Variants in FUT8 observed in about 807,000 individuals in gnomAD.
FUT8 encodes alpha-(1,6)-fucosyltransferase.
FUT8 carries 29 observed loss-of-function variants against 71.3 expected under a neutral mutation model. The observed-to-expected ratio is 0.41, with a 90% confidence interval of 0.30 to 0.55. FUT8 has a LOEUF of 0.55. Ranked by LOEUF, FUT8 falls within the 20% of genes least tolerant of loss-of-function variation. The pLI, the probability that FUT8 is intolerant of heterozygous loss-of-function variation, is 0.34. For synonymous variants in FUT8, 254 were observed against 239.3 expected (o/e 1.06, Z -0.57); for missense variants, 544 against 702.1 (o/e 0.77, Z 2.55).
intron 2 of FUT8, among the ~76,000 whole-genome samples, chr14:65,524,053 C>G (rs962304977): frequency 3.9e-5 from 6 of 152,180 alleles, no homozygotes. Flanking sequence ...CTTGGCAATG[C>G]GGGCTCTTTT....
At chr14:65,664,066 A>ACAT (rs1354090457) in intron 6 of FUT8, among the ~76,000 whole-genome samples, 2 of 152,126 alleles carry the variant, frequency 1.3e-5, no homozygotes, top group Admixed American at 1.3e-4. Flanking sequence ...GTAATTCAGT[A>ACAT]CATCTAAAAA....
chr14:65,532,725 T>G (rs1884038677), intron 2 of FUT8, among the ~76,000 whole-genome samples: 1 of 152,146 alleles, frequency 6.6e-6, no homozygotes, highest in South Asian at 2.1e-4. Flanking sequence ...GGTCCTATGT[T>G]CAGAATGGTA....
Position 65,513,024 on chromosome 14 carries a change from G to C in FUT8, c.-227-48313G>C, listed in dbSNP as rs79111657. The stretch of plus-strand genomic sequence containing the variant: ...CTAGGCTAGTGGGGAGCAGAATCAT[G>C]AGCTTAAATTAGTGGAATATGTGGA... On this transcript the variant is annotated intron_variant, in intron 2 of 10. Coordinates refer to ENST00000673929, the MANE Select transcript of FUT8 (RefSeq NM_001371533.1). 6.9e-3 allele frequency among the ~76,000 whole-genome samples: 1,046 copies of C among 152,122 alleles called. 10 individuals are homozygous for C. Among genetic ancestry groups the C allele is most frequent in the African/African-American group, 0.024 (994 of 41,488 alleles).
chr14:65,726,842 G>A (rs1326433967), intron 9 of FUT8, among the ~76,000 whole-genome samples: 2 of 152,154 alleles, frequency 1.3e-5, no homozygotes, highest in Non-Finnish European at 2.9e-5. Flanking sequence ...AAAATCAAAA[G>A]CAAGTTAGTT....
chr14:65,609,925 C>T (rs924215338), intron 3 of FUT8, among the ~76,000 whole-genome samples: 3 of 151,766 alleles, frequency 2.0e-5, no homozygotes, highest in Non-Finnish European at 4.4e-5. Flanking sequence ...ATAAGTCGTG[C>T]CCATCTTTTG....
At position 65,501,191 on chromosome 14, in the gene FUT8, A is replaced by G. The variant is rs192712315; in HGVS notation, c.-228+45473A>G. On this transcript the variant is annotated intron_variant, in intron 2 of 10. Coordinates refer to ENST00000673929, the MANE Select transcript of FUT8 (RefSeq NM_001371533.1). ...CCAGGAGTTTGAGACCAGCCTGGGT[A>G]ACATAGTAAGACCTGTCTCTACAGA... Among the ~76,000 whole-genome samples the G allele has an allele frequency of 2.9e-3, 440 of 152,362 alleles. 3 individuals carry two copies. Among genetic ancestry groups the G allele is most frequent in the African/African-American group, 0.01 (419 of 41,578 alleles).
chr14:65,583,115 A>G (rs1270620639), intron 3 of FUT8, among the ~76,000 whole-genome samples: 1 of 152,050 alleles, frequency 6.6e-6, no homozygotes, highest in Non-Finnish European at 1.5e-5. Flanking sequence ...GATTTTATTG[A>G]TCTGCCTTTT....
intron 7 of FUT8, among the ~76,000 whole-genome samples, chr14:65,679,640 A>G (rs1457862684): frequency 1.3e-5 from 2 of 152,230 alleles, no homozygotes; most frequent in Non-Finnish European, 2.9e-5. Context: ...AAACAGTGAC[A>G]TAGTATCTTT....
At chr14:65,487,218 A>G (rs1343130348) in intron 2 of FUT8, among the ~76,000 whole-genome samples, 2 of 152,086 alleles carry the variant, frequency 1.3e-5, no homozygotes, top group Non-Finnish European at 2.9e-5. Context: ...CTCTCAGAGG[A>G]GGGGAGAATT....
At chr14:65,739,645 G>T (rs1434496128) in intron 10 of FUT8, among the ~76,000 whole-genome samples, 1 of 151,936 alleles carries the variant, frequency 6.6e-6, no homozygotes, top group Admixed American at 6.6e-5. Flanking sequence ...CTGAAGAGTG[G>T]GTGAAGACAC....
At chr14:65,364,925 A>G in the FUT8 span, among the ~76,000 whole-genome samples, 1 of 152,054 alleles carries the variant, frequency 6.6e-6, no homozygotes, top group Non-Finnish European at 1.5e-5. Context: ...CGGGGCTTAC[A>G]CCTGAGGGCT....
chr14:65,511,779 G>T (rs1566793353), intron 2 of FUT8, among the ~76,000 whole-genome samples: 1 of 152,136 alleles, frequency 6.6e-6, no homozygotes, highest in South Asian at 2.1e-4. Context: ...CAATCTGTGT[G>T]TGTCTTTATA....
In FUT8 at chr14:65,489,345, G is replaced by A. The variant is rs1327238399; in HGVS notation, c.-228+33627G>A. Among the ~76,000 whole-genome samples, 1 of 152,202 alleles carries A rather than the reference G, an allele frequency of 6.6e-6. No individual in the cohort carries two copies. Among genetic ancestry groups the A allele is most frequent in the East Asian group, 1.9e-4 (1 of 5,186 alleles). ...CTAGCTTTCTCTAATTTTCTGGGAC[G>A]TATCTCTTTTAGTCTCCGTATATTA... On this transcript the variant is annotated intron_variant, in intron 2 of 10. Coordinates refer to ENST00000673929, the MANE Select transcript of FUT8 (RefSeq NM_001371533.1). The surrounding 1 kb of genome is among the most constrained non-coding windows in gnomAD (Gnocchi z 4.0).
chr14:65,717,874 T>C (rs1263403636), intron 7 of FUT8, among the ~76,000 whole-genome samples: 3 of 152,230 alleles, frequency 2.0e-5, no homozygotes, highest in African/African-American at 7.2e-5. Flanking sequence ...CTATTACAGG[T>C]ATAGCTACTC....
In FUT8 at chr14:65,464,160, G is replaced by A. The variant is rs563896890; in HGVS notation, c.-228+8442G>A. ...GCAGTTTTAGGTTTACAGAGAAATT[G>A]TAATTTCTTACAGAGAGTTCCCAAA... On this transcript the variant is annotated intron_variant, in intron 2 of 10. Transcript: ENST00000673929. Among the ~76,000 whole-genome samples, 220 of 151,256 alleles carry A rather than the reference G, an allele frequency of 1.5e-3. 1 individual carries two copies. Among genetic ancestry groups the A allele is most frequent in the African/African-American group, 5.2e-3 (215 of 41,228 alleles).
At chr14:65,599,094 C>T (rs1217861248) in intron 3 of FUT8, among the ~76,000 whole-genome samples, 1 of 152,140 alleles carries the variant, frequency 6.6e-6, no homozygotes, top group Non-Finnish European at 1.5e-5. Context: ...TGGCCCAGAA[C>T]ATTTTTTAAT....
At chr14:65,506,229 T>A (rs2066732161) in intron 2 of FUT8, among the ~76,000 whole-genome samples, 1 of 152,326 alleles carries the variant, frequency 6.6e-6, no homozygotes, top group African/African-American at 2.4e-5. Flanking sequence ...TGGTATACTT[T>A]TGGTTAAGTA....
Position 65,467,179 on chromosome 14 carries a change from C to T in FUT8, c.-228+11461C>T, listed in dbSNP as rs1028108452. Among the ~76,000 whole-genome samples the T allele has an allele frequency of 4.6e-5, 7 of 152,096 alleles. No individual in the cohort carries two copies. Among genetic ancestry groups the T allele is most frequent in the Non-Finnish European group, 1.0e-4 (7 of 68,028 alleles). On this transcript the variant is annotated intron_variant, in intron 2 of 10. Coordinates refer to ENST00000673929, the MANE Select transcript of FUT8 (RefSeq NM_001371533.1). The surrounding 1 kb of genome is among the most constrained non-coding windows in gnomAD (Gnocchi z 4.1). ...GTCATGTTTATTGGGTTTCATTTCT[C>T]CCAGTTTTTATTTCAGAAAGTCTTT...
chr14:65,592,009 C>T (rs1316197750), intron 3 of FUT8, among the ~76,000 whole-genome samples: 1 of 151,904 alleles, frequency 6.6e-6, no homozygotes, highest in African/African-American at 2.4e-5. Flanking sequence ...TGGGAATAAA[C>T]AAAAGGACAT....
Sources: allele counts gnomAD v4.1 joint callset (sites outside exome capture counted in the v4.1 genomes callset), GRCh38; gene constraint gnomAD v4.1.1; non-coding constraint Gnocchi (gnomAD v3.1); transcripts MANE v1.5; gene names NCBI Gene and HGNC (gene_info 2026-07-23, HGNC 2026-07-21).